The following ALOX5 variants were observed in gnomAD, a reference collection of about 807,000 sequenced individuals.
ALOX5 encodes the protein polyunsaturated fatty acid 5-lipoxygenase.
In ALOX5, 64 loss-of-function variants were observed where a neutral mutation model predicts 87.9. That is an observed-to-expected ratio of 0.73 (90% confidence interval 0.60 to 0.90). ALOX5 has a LOEUF of 0.90. Among genes scored for constraint, ALOX5 ranks in the 40% least tolerant of loss-of-function variants. ALOX5 has a pLI of 0.00. For missense variants in ALOX5, 822 were observed against 907.5 expected, an observed-to-expected ratio of 0.91 and a Z score of 1.21; for synonymous variants, 388 against 355.1, an observed-to-expected ratio of 1.09 and a Z score of -1.04.
intron 12 of ALOX5, 41 bp downstream of exon 12, chr10:45,443,869 A>C: frequency 1.3e-6 from 2 of 1,554,172 alleles, no homozygotes; most frequent in Admixed American, 3.8e-5. Context: ...TCCCTTCTCA[A>C]GGCCGCTGCC....
chr10:45,400,469 C>A (rs1840660290), intron 3 of ALOX5, among the ~76,000 whole-genome samples: 1 of 152,054 alleles, frequency 6.6e-6, no homozygotes, highest in Non-Finnish European at 1.5e-5. Context: ...CATGTTGGTG[C>A]ACGCCTGTAA....
chr10:45,418,712 A>T (rs1033996203), intron 4 of ALOX5, among the ~76,000 whole-genome samples: 1 of 152,184 alleles, frequency 6.6e-6, no homozygotes, highest in South Asian at 2.1e-4. Context: ...CTGTGGGCAC[A>T]GGTGTGGCGA....
intron 1 of ALOX5, among the ~76,000 whole-genome samples, chr10:45,375,153 A>C (rs1329305070): frequency 6.6e-6 from 1 of 152,202 alleles, no homozygotes; most frequent in Non-Finnish European, 1.5e-5. Context: ...AACCCAGGCC[A>C]GGAGAGGCTT....
intron 7 of ALOX5, among the ~76,000 whole-genome samples, chr10:45,431,446 C>A (rs1276983414): frequency 6.6e-6 from 1 of 151,968 alleles, no homozygotes; most frequent in East Asian, 1.9e-4. Flanking sequence ...TTAATAAATT[C>A]ATTTGGCAAA....
intron 4 of ALOX5, among the ~76,000 whole-genome samples, chr10:45,413,775 C>T (rs1236700405): frequency 6.6e-6 from 1 of 152,102 alleles, no homozygotes; most frequent in Non-Finnish European, 1.5e-5. Flanking sequence ...GTGCAAAAAT[C>T]ACAAGCATTC....
chr10:45,385,551 A>C (rs191562858), intron 2 of ALOX5, among the ~76,000 whole-genome samples: 1 of 152,296 alleles, frequency 6.6e-6, no homozygotes, highest in African/African-American at 2.4e-5. Context: ...GCATGTACTG[A>C]CTTATTCATA....
At chr10:45,382,175 G>A (rs1034799180) in intron 1 of ALOX5, among the ~76,000 whole-genome samples, 5 of 152,210 alleles carry the variant, frequency 3.3e-5, no homozygotes, top group African/African-American at 1.2e-4. Context: ...GACTCGGGAG[G>A]TAAGCGTTCA....
At chr10:45,423,016 C>A (rs995834378) in intron 4 of ALOX5, among the ~76,000 whole-genome samples, 1 of 152,148 alleles carries the variant, frequency 6.6e-6, no homozygotes, top group Non-Finnish European at 1.5e-5. Context: ...TCACGGGTAC[C>A]CCACCCTCGT....
At chr10:45,391,365 G>A (rs1379367131) in intron 2 of ALOX5, among the ~76,000 whole-genome samples, 1 of 152,186 alleles carries the variant, frequency 6.6e-6, no homozygotes, top group Admixed American at 6.5e-5. Context: ...GAGGTGCCGG[G>A]ATTGCAGACG....
In ALOX5 at chr10:45,443,739, T is replaced by A; in HGVS notation, c.1585T>A (p.Ser529Thr). Reference protein sequence around the residue: ...RGRKSSGFPKSVKSREQLSEY... With the variant: ...RGRKSSGFPKTVKSREQLSEY... ...TGGTTCCACCCTAGGCTTCCCCAAG[T>A]CGGTCAAGAGCCGGGAGCAGCTGTC... The change falls in exon 12 of 14, where the codon TCG becomes ACG. Residue 529 changes from serine to threonine, a missense_variant. Physicochemically the swap from Ser to Thr is moderately conservative, Grantham distance 58. Transcript: ENST00000374391. 1.2e-6 allele frequency: 2 copies of A among 1,611,976 alleles called. No individual in the cohort carries two copies. The highest frequency in any genetic ancestry group is 1.7e-6 in the Non-Finnish European group (2 of 1,179,298).
At chr10:45,418,299 G>T (rs1216048915) in intron 4 of ALOX5, among the ~76,000 whole-genome samples, 2 of 152,090 alleles carry the variant, frequency 1.3e-5, no homozygotes, top group Non-Finnish European at 2.9e-5. Context: ...TGGGGGTTGG[G>T]GGGACCCTAG....
chr10:45,415,155 A>G (rs1481316824), intron 4 of ALOX5, among the ~76,000 whole-genome samples: 2 of 152,234 alleles, frequency 1.3e-5, no homozygotes, highest in East Asian at 1.9e-4. Context: ...TTGTGGCACT[A>G]TTCACAATAG....
At chr10:45,412,386 C>T in intron 4 of ALOX5, 73 bp downstream of exon 4, 1 of 1,580,020 alleles carries the variant, frequency 6.3e-7, no homozygotes, top group Non-Finnish European at 8.6e-7. Flanking sequence ...ACCCTCACTC[C>T]TTTCCTCATG....
intron 2 of ALOX5, among the ~76,000 whole-genome samples, chr10:45,387,651 C>G (rs1033100837): frequency 2.0e-5 from 3 of 152,164 alleles, no homozygotes; most frequent in Non-Finnish European, 2.9e-5. Context: ...CAGTGAGAAC[C>G]AAGCCTGGCT....
At chr10:45,416,429 G>A (rs1841291564) in intron 4 of ALOX5, among the ~76,000 whole-genome samples, 1 of 152,184 alleles carries the variant, frequency 6.6e-6, no homozygotes, top group Non-Finnish European at 1.5e-5. Flanking sequence ...CATCTCCCTG[G>A]AAACATCACG....
chr10:45,377,462 C>A (rs1271473555), intron 1 of ALOX5, among the ~76,000 whole-genome samples: 1 of 152,018 alleles, frequency 6.6e-6, no homozygotes, highest in East Asian at 1.9e-4. Context: ...CTCTGTCTTC[C>A]AGCCACCTCT....
intron 2 of ALOX5, 27 bp downstream of exon 2, chr10:45,382,708 CG>C: frequency 6.3e-7 from 1 of 1,597,732 alleles, no homozygotes. Flanking sequence ...CCTTCTGCCC[CG>C]GGCTTCCCAA....
At chr10:45,379,370 C>T (rs3780896) in intron 1 of ALOX5, among the ~76,000 whole-genome samples, 24,991 of 152,090 alleles carry the variant, frequency 0.16, 2,094 homozygotes, top group South Asian at 0.19. Context: ...CTGGTGGCCG[C>T]CCCTCAGTCC....
intron 1 of ALOX5, among the ~76,000 whole-genome samples, chr10:45,374,685 T>A (rs1426598597): frequency 6.6e-6 from 1 of 152,140 alleles, no homozygotes; most frequent in African/African-American, 2.4e-5. Context: ...AAACGGAGAC[T>A]TCCCGCGTGC....
Sources: gnomAD v4.1 joint callset for allele counts (sites outside exome capture counted in the v4.1 genomes callset) on GRCh38, gnomAD v4.1.1 for gene constraint, MANE v1.5 for transcripts, NCBI Gene and HGNC (gene_info 2026-07-23, HGNC 2026-07-21) for gene names.